TGS1: variants seen among roughly 807,000 people sequenced by gnomAD.
TGS1 encodes the protein trimethylguanosine synthase 1.
A neutral mutation model predicts 92.2 loss-of-function variants in TGS1; 69 were observed. That is an observed-to-expected ratio of 0.75 (90% CI 0.62 to 0.91). TGS1 has a LOEUF of 0.91. TGS1 is among the 40% of genes least tolerant of loss of function. The pLI is 0.00. For synonymous variants in TGS1, 345 were observed against 338.1 expected (o/e 1.02, Z -0.22); for missense variants, 1,062 against 1,001.2 (o/e 1.06, Z -0.82).
At chr8:55,807,026 G>T (rs1418813526) in intron 10 of TGS1, among the ~76,000 whole-genome samples, 1 of 151,380 alleles carries the variant, frequency 6.6e-6, no homozygotes, top group Admixed American at 6.6e-5. Flanking sequence ...CCTCCCGAGT[G>T]CATGCCATTC....
At chr8:55,781,833 T>C (rs544335408) in intron 1 of TGS1, among the ~76,000 whole-genome samples, 6 of 152,370 alleles carry the variant, frequency 3.9e-5, no homozygotes, top group Admixed American at 2.6e-4. Context: ...CCACTTGCAA[T>C]TGGCCTTCTT....
intron 5 of TGS1, 52 bp from the exon 6 acceptor site, chr8:55,792,646 T>C (rs1173782352): frequency 8.0e-7 from 1 of 1,257,404 alleles, no homozygotes; most frequent in Non-Finnish European, 1.2e-6. Context: ...TTATCTGAAC[T>C]AGTGGGCTCT....
At chr8:55,790,390 C>T (rs927678283) in intron 5 of TGS1, 91 bp downstream of exon 5, 9 of 800,540 alleles carry the variant, frequency 1.1e-5, no homozygotes, top group Admixed American at 7.7e-5. Context: ...GTTATGTTCA[C>T]AACACCAGTA....
chr8:55,773,493 G>A lies in TGS1; in HGVS notation c.-126G>A, dbSNP rs1265870297. 7 of 645,410 alleles carry A rather than the reference G, an allele frequency of 1.1e-5. No homozygotes were observed. The highest frequency in any genetic ancestry group is 1.5e-5 in the Non-Finnish European group (6 of 399,214). The allele number at this position is 645,410 out of a possible 1,614,324, so 40.0% of individuals were successfully genotyped here. ...CTAGTTCCCGGCGCGAGCGGCCGCG[G>A]GCCAGTTTCTATCTCCTCATCCAGG... On this transcript the variant is annotated 5_prime_UTR_variant, in exon 1 of 13. Transcript: ENST00000260129.
intron 12 of TGS1, among the ~76,000 whole-genome samples, chr8:55,813,471 A>G (rs1268024458): frequency 6.6e-6 from 1 of 152,178 alleles, no homozygotes; most frequent in Admixed American, 6.5e-5. Context: ...AAATAGAGAG[A>G]TTTGATGATA....
At position 55,785,756 on chromosome 8, in the gene TGS1, C is replaced by T. The variant is rs750807302; in HGVS notation, c.204C>T (p.Ser68=). 8.7e-6 allele frequency: 14 copies of T among 1,612,446 alleles called. No individual in the cohort carries two copies. The highest frequency in any genetic ancestry group is 1.1e-5 in the Non-Finnish European group (13 of 1,179,392). The change falls in exon 3 of 13, where the codon TCC becomes TCT. Residue 68 remains serine, a synonymous_variant. Coordinates refer to ENST00000260129, the MANE Select transcript of TGS1 (RefSeq NM_024831.8). Reference sequence around the variant, plus strand: ...CAGAAGAAGAGGAAGGTGGTTATTCCTGTGGTACTGCAGAATCACATGACA... The same window carrying T: ...CAGAAGAAGAGGAAGGTGGTTATTCTTGTGGTACTGCAGAATCACATGACA... The part of the protein sequence containing the change: ...QATEEEEGGY[S]CGTAESHDSK...
intron 1 of TGS1, among the ~76,000 whole-genome samples, chr8:55,775,879 C>T (rs561928182): frequency 6.6e-6 from 1 of 152,212 alleles, no homozygotes; most frequent in Admixed American, 6.5e-5. Context: ...AGGAAACAGA[C>T]AAGCCTAAGT....
intron 12 of TGS1, among the ~76,000 whole-genome samples, chr8:55,818,757 A>G (rs1221662441): frequency 6.6e-6 from 1 of 152,196 alleles, no homozygotes; most frequent in South Asian, 2.1e-4. Flanking sequence ...TCCGTAAATG[A>G]TGGAGATAGA....
Position 55,786,714 on chromosome 8 carries a change from T to A in TGS1, c.816T>A (p.Thr272=), listed in dbSNP as rs1342480837. 6.2e-7 allele frequency: 1 copy of A among 1,614,028 alleles called. No homozygotes were observed. Among genetic ancestry groups the A allele is most frequent in the Non-Finnish European group, 8.5e-7 (1 of 1,180,036 alleles). Residue 272 remains threonine (T), a synonymous_variant, in exon 4 of 13, where the codon ACT becomes ACA. Coordinates refer to ENST00000260129, the MANE Select transcript of TGS1 (RefSeq NM_024831.8). ...FDASQSCDTD[T]YTSKTEADDK... ...CCTCGCAAAGCTGTGATACAGATAC[T>A]TACACATCTAAAACAGAAGCTGATG...
chr8:55,793,630 C>T (rs778441478), intron 6 of TGS1, among the ~76,000 whole-genome samples: 6 of 151,986 alleles, frequency 3.9e-5, no homozygotes, highest in Non-Finnish European at 7.4e-5. Context: ...CACAGTGGTG[C>T]GATCTCGGCC....
intron 12 of TGS1, among the ~76,000 whole-genome samples, chr8:55,823,237 C>G (rs904588284): frequency 6.6e-6 from 1 of 152,184 alleles, no homozygotes; most frequent in Non-Finnish European, 1.5e-5. Context: ...AAAACCTTAT[C>G]TGTATAAGAA....
rs142751875 is a variant in TGS1 at position 55,781,521 on chromosome 8, C to T, written c.102-1227C>T. Reference sequence around the variant, plus strand: ...CAACTTGCAACCAACCATACTGGTCCTCTCCTCCACCTGACACTTCAGTGC... The same window carrying T: ...CAACTTGCAACCAACCATACTGGTCTTCTCCTCCACCTGACACTTCAGTGC... On this transcript the variant is annotated intron_variant, in intron 1 of 12. Transcript: ENST00000260129. Among the ~76,000 whole-genome samples the T allele has an allele frequency of 2.0e-3, 306 of 152,282 alleles. 1 individual carries two copies. Among genetic ancestry groups the T allele is most frequent in the African/African-American group, 6.9e-3 (285 of 41,550 alleles).
intron 10 of TGS1, among the ~76,000 whole-genome samples, chr8:55,808,473 C>T (rs1159431821): frequency 6.6e-6 from 1 of 151,082 alleles, no homozygotes; most frequent in African/African-American, 2.4e-5. Context: ...CTCAAACCGT[C>T]TATATGTAGA....
intron 12 of TGS1, among the ~76,000 whole-genome samples, chr8:55,823,672 C>T (rs1319765021): frequency 6.6e-6 from 1 of 151,982 alleles, no homozygotes; most frequent in African/African-American, 2.4e-5. Flanking sequence ...TCAGTAAATA[C>T]TGTTGAATGA....
rs769076406 is a variant in TGS1, at chr8:55,786,552, T to C, written c.654T>C (p.His218=). The part of the protein sequence containing the change: ...GLLWQSWQEK[H]PGQALSSEPW... ...TGTGGCAAAGTTGGCAAGAAAAACA[T>C]CCGGGTCAAGCACTATCTTCTGAAC... Residue 218 remains histidine, a synonymous_variant, in exon 4 of 13, where the codon CAT becomes CAC. Coordinates refer to ENST00000260129, the MANE Select transcript of TGS1 (RefSeq NM_024831.8). 2 of 1,614,160 alleles carry C rather than the reference T, an allele frequency of 1.2e-6. No homozygotes were observed. The highest frequency in any genetic ancestry group is 1.7e-6 in the Non-Finnish European group (2 of 1,180,022).
At chr8:55,777,561 A>G (rs1315674878) in intron 1 of TGS1, among the ~76,000 whole-genome samples, 1 of 151,024 alleles carries the variant, frequency 6.6e-6, no homozygotes, top group African/African-American at 2.4e-5. Context: ...CTCTTTTGAG[A>G]CAGAGTCTCA....
chr8:55,781,864 T>C (rs888303211), intron 1 of TGS1, among the ~76,000 whole-genome samples: 1 of 152,232 alleles, frequency 6.6e-6, no homozygotes, highest in African/African-American at 2.4e-5. Context: ...CAGTGGAGTT[T>C]ATTACAGCTG....
Position 55,793,770 on chromosome 8 carries a change from A to T in TGS1, c.1367+986A>T, listed in dbSNP as rs1054716204. On this transcript the variant is annotated intron_variant, in intron 6 of 12. Transcript: ENST00000260129. ...TATTTATTTATTTATTTATTTATTTATTTATTTTTTAATTTTTTATTTTTT... is the reference window on the plus strand; with the variant it reads ...TATTTATTTATTTATTTATTTATTTTTTTATTTTTTAATTTTTTATTTTTT... 2.7e-3 allele frequency among the ~76,000 whole-genome samples: 388 copies of T among 143,632 alleles called. 2 individuals carry two copies. Among genetic ancestry groups the T allele is most frequent in the African/African-American group, 0.011 (374 of 35,412 alleles). 94.2% of individuals were successfully genotyped at this position (143,632 alleles called of 152,430 possible).
chr8:55,811,013 T>C lies in TGS1; in HGVS notation c.2276T>C (p.Val759Ala). The C allele has an allele frequency of 6.2e-7, 1 of 1,614,182 alleles. No homozygotes were observed. Among genetic ancestry groups the C allele is most frequent in the Non-Finnish European group, 8.5e-7 (1 of 1,180,012 alleles). ...LLLASFLKAD[V>A]VFLSPPWGGP... Reference sequence around the variant, plus strand: ...CTGGCTTCTTTTTTAAAGGCTGATGTTGTGTTCCTCAGCCCACCTTGGGGA... The same window carrying C: ...CTGGCTTCTTTTTTAAAGGCTGATGCTGTGTTCCTCAGCCCACCTTGGGGA... Residue 759 changes from valine to alanine, a missense_variant, in exon 11 of 13, where the codon GTT becomes GCT. Physicochemically the swap from Val to Ala is moderately conservative, Grantham distance 64 (BLOSUM62 0). Transcript: ENST00000260129.
Sources: allele counts gnomAD v4.1 joint callset (sites outside exome capture counted in the v4.1 genomes callset), GRCh38; gene constraint gnomAD v4.1.1; transcripts MANE v1.5; gene names NCBI Gene and HGNC (gene_info 2026-07-23, HGNC 2026-07-21).